NFASC: variants seen among roughly 807,000 people sequenced by gnomAD.
NFASC encodes neurofascin homolog.
A neutral mutation model predicts 147.5 loss-of-function variants in NFASC; 43 were observed. The ratio of observed to expected loss-of-function variants is 0.29; its 90% CI spans 0.23 to 0.38. The LOEUF is 0.38. Ranked by LOEUF, NFASC falls within the 10% of genes least tolerant of loss-of-function variation. NFASC has a pLI of 1.00. For missense variants in NFASC, 1,320 were observed against 1,689.0 expected (o/e 0.78, Z 3.83); for synonymous variants, 622 against 665.5 (o/e 0.93, Z 1.01).
chr1:204,879,973 T>A (rs908148414), intron 1 of NFASC, among the ~76,000 whole-genome samples: 1 of 152,206 alleles, frequency 6.6e-6, no homozygotes, highest in East Asian at 1.9e-4. Context: ...GCTGGCCCTC[T>A]CATTCTGGGG....
chr1:204,868,950 C>A (rs1302910465), intron 1 of NFASC, among the ~76,000 whole-genome samples: 1 of 152,182 alleles, frequency 6.6e-6, no homozygotes, highest in Non-Finnish European at 1.5e-5. Flanking sequence ...AGAACTTTGC[C>A]CCTGACCTGG....
chr1:204,862,491 G>A (rs759909967), intron 1 of NFASC, among the ~76,000 whole-genome samples: 9 of 152,234 alleles, frequency 5.9e-5, no homozygotes, highest in Non-Finnish European at 1.3e-4. Flanking sequence ...ATAATAAAAA[G>A]TCGATGTGAA....
intron 27 of NFASC, among the ~76,000 whole-genome samples, chr1:205,006,390 G>A (rs374955086): frequency 3.3e-5 from 5 of 152,232 alleles, no homozygotes; most frequent in East Asian, 1.9e-4. Context: ...ACTGCATGGC[G>A]CAGCTGGGGG....
At chr1:204,912,480 T>C (rs116444132) in intron 1 of NFASC, among the ~76,000 whole-genome samples, 1,720 of 151,482 alleles carry the variant, frequency 0.011, 35 homozygotes, top group African/African-American at 0.04. Context: ...GTGGATTACC[T>C]GAGGCCAAGA....
chr1:204,974,444 A>G, intron 13 of NFASC, 154 bp downstream of exon 13: 1 of 800,482 alleles, frequency 1.2e-6, no homozygotes, highest in Non-Finnish European at 2.1e-6. Context: ...CAACCTCCTC[A>G]TTGTACAGAA....
At chr1:204,888,734 T>A (rs896622661) in intron 1 of NFASC, among the ~76,000 whole-genome samples, 1 of 152,244 alleles carries the variant, frequency 6.6e-6, no homozygotes, top group Non-Finnish European at 1.5e-5. Flanking sequence ...GTAGAGATTT[T>A]AAAATGCTTA....
chr1:204,997,098 C>G (rs566398703), intron 24 of NFASC, 72 bp from the exon 25 acceptor site: 2 of 1,555,932 alleles, frequency 1.3e-6, no homozygotes, highest in Non-Finnish European at 1.7e-6. Flanking sequence ...CTGCCTTGCA[C>G]GCGGGGGCCG....
intron 3 of NFASC, chr1:204,946,916 A>G: frequency 2.5e-6 from 1 of 407,868 alleles, no homozygotes; most frequent in South Asian, 1.8e-5. Context: ...TGACACAAAC[A>G]AGCAGATGGT....
intron 2 of NFASC, among the ~76,000 whole-genome samples, chr1:204,928,093 C>T (rs1432229111): frequency 1.3e-5 from 2 of 152,164 alleles, no homozygotes; most frequent in African/African-American, 4.8e-5. Context: ...TCCTGTTTTA[C>T]CTGCTAATCT....
chr1:204,838,727 A>T (rs1405776311), intron 1 of NFASC, among the ~76,000 whole-genome samples: 7 of 152,164 alleles, frequency 4.6e-5, no homozygotes, highest in Non-Finnish European at 2.9e-5. Flanking sequence ...CCCGGTCCTG[A>T]TCCATCTCCC....
At chr1:204,843,100 T>C (rs1675854116) in intron 1 of NFASC, among the ~76,000 whole-genome samples, 1 of 152,132 alleles carries the variant, frequency 6.6e-6, no homozygotes, top group African/African-American at 2.4e-5. Context: ...AGAGAGAGCT[T>C]TTATATGGCA....
intron 1 of NFASC, among the ~76,000 whole-genome samples, chr1:204,845,957 G>A (rs1379779312): frequency 6.6e-6 from 1 of 152,102 alleles, no homozygotes; most frequent in South Asian, 2.1e-4. Context: ...GCTGGAATTC[G>A]GAAGAAATGG....
At chr1:204,895,306 C>T (rs1378612452) in intron 1 of NFASC, among the ~76,000 whole-genome samples, 3 of 152,216 alleles carry the variant, frequency 2.0e-5, no homozygotes, top group African/African-American at 7.2e-5. Flanking sequence ...AGACTGTCTA[C>T]ACTTTACCCA....
rs1040055860 is a variant in NFASC, at chr1:204,975,630, C to A, written c.1706+212C>A. ...CCTGTACAACCTCCCTCTCTCCCAC[C>A]AGCTCCCTGCTTCTCTCTCCTACAC... On this transcript the variant is annotated intron_variant, in intron 15 of 29. Transcript: ENST00000339876. The surrounding 1 kb of genome is among the most constrained non-coding windows in gnomAD (Gnocchi z 4.0). 2.0e-5 allele frequency among the ~76,000 whole-genome samples: 3 copies of A among 152,090 alleles called. No individual in the cohort carries two copies. Among genetic ancestry groups the A allele is most frequent in the East Asian group, 3.9e-4 (2 of 5,176 alleles).
chr1:204,851,065 ATATCTGAAG>A (rs2075639395), intron 1 of NFASC, among the ~76,000 whole-genome samples: 2 of 152,246 alleles, frequency 1.3e-5, no homozygotes, highest in Non-Finnish European at 2.9e-5. Flanking sequence ...AGTGATAATT[ATATCTGAAG>A]TGGATTTTCA....
chr1:204,928,900 G>A (rs1339560960), intron 2 of NFASC, among the ~76,000 whole-genome samples: 4 of 152,172 alleles, frequency 2.6e-5, no homozygotes, highest in Non-Finnish European at 1.5e-5. Flanking sequence ...TCGCCCTAGA[G>A]AGCCTGGTGT....
chr1:204,894,389 A>G (rs956425511), intron 1 of NFASC, among the ~76,000 whole-genome samples: 4 of 152,174 alleles, frequency 2.6e-5, no homozygotes, highest in African/African-American at 9.7e-5. Flanking sequence ...TTCCATACTC[A>G]TTTTTAGGGG....
intron 1 of NFASC, among the ~76,000 whole-genome samples, chr1:204,904,935 A>G (rs1382425595): frequency 6.6e-6 from 1 of 152,118 alleles, no homozygotes; most frequent in Non-Finnish European, 1.5e-5. Flanking sequence ...ATAAGTATCT[A>G]CAAACCTACC....
intron 24 of NFASC, among the ~76,000 whole-genome samples, 176 bp downstream of exon 24, chr1:204,991,482 G>A (rs979314881): frequency 1.2e-4 from 19 of 152,222 alleles, no homozygotes; most frequent in Non-Finnish European, 2.4e-4. Flanking sequence ...GATGGGACCA[G>A]AGGAGAGCAA....
Sources: gnomAD v4.1 joint callset for allele counts (sites outside exome capture counted in the v4.1 genomes callset) on GRCh38, gnomAD v4.1.1 for gene constraint, Gnocchi (gnomAD v3.1) non-coding constraint, MANE v1.5 for transcripts, NCBI Gene and HGNC (gene_info 2026-07-23, HGNC 2026-07-21) for gene names.